Variants in COPG2 observed in about 807,000 individuals in gnomAD.
COPG2 encodes coatomer subunit gamma-2.
Under a neutral mutation model 46.3 loss-of-function variants are expected in COPG2, and 37 were observed. The ratio of observed to expected loss-of-function variants is 0.80; its 90% CI spans 0.61 to 1.05. COPG2 has a LOEUF of 1.05. Ranked by LOEUF, COPG2 falls within the 50% of genes least tolerant of loss-of-function variation. The pLI is 0.00. For missense variants in COPG2, 427 were observed against 387.8 expected (o/e 1.10, Z -0.85); for synonymous variants, 159 against 129.7 (o/e 1.23, Z -1.53).
chr7:130,586,296 T>G (rs182331535), intron 9 of COPG2, among the ~76,000 whole-genome samples: 1 of 152,084 alleles, frequency 6.6e-6, no homozygotes, highest in Non-Finnish European at 1.5e-5. Flanking sequence ...AATCATACAA[T>G]GGACTTTTGG....
intron 5 of COPG2, among the ~76,000 whole-genome samples, chr7:130,637,500 T>A (rs1795367222): frequency 6.6e-6 from 1 of 152,212 alleles, no homozygotes; most frequent in Non-Finnish European, 1.5e-5. Flanking sequence ...TATCCTTTCT[T>A]CCACTTGATC....
At chr7:130,606,088 A>C (rs1373957601) in intron 9 of COPG2, among the ~76,000 whole-genome samples, 1 of 152,022 alleles carries the variant, frequency 6.6e-6, no homozygotes, top group Admixed American at 6.6e-5. Flanking sequence ...AGCTTCCCAA[A>C]GTGCTGGGAT....
At position 130,587,408 on chromosome 7, in the gene COPG2, T is replaced by C. The variant is rs1416576393; in HGVS notation, c.738-23015A>G. On this transcript the variant is annotated intron_variant, in intron 9 of 23. Coordinates refer to ENST00000425248, the MANE Select transcript of COPG2 (RefSeq NM_012133.6). ...ATGCTTTCCAATATCCAGTTGGATA[T>C]TGTTACTACAAAAATCATTCTGTTA... 2.0e-5 allele frequency among the ~76,000 whole-genome samples: 3 copies of C among 152,104 alleles called. 1 individual carries two copies. Among genetic ancestry groups the C allele is most frequent in the African/African-American group, 7.2e-5 (3 of 41,470 alleles).
intron 20 of COPG2, among the ~76,000 whole-genome samples, chr7:130,520,813 T>C (rs1332268291): frequency 6.6e-6 from 1 of 152,250 alleles, no homozygotes; most frequent in Non-Finnish European, 1.5e-5. Context: ...TTGTTATTTA[T>C]ATTGAAAACA....
chr7:130,663,172 TTC>T (rs1796011684), intron 3 of COPG2, 134 bp from the exon 4 acceptor site: 1 of 551,080 alleles, frequency 1.8e-6, no homozygotes, highest in African/African-American at 2.0e-5. Flanking sequence ...TTTGTAAACA[TTC>T]TGCCTCTGCA....
At chr7:130,512,398 G>A (rs1799610893) in intron 20 of COPG2, among the ~76,000 whole-genome samples, 2 of 151,928 alleles carry the variant, frequency 1.3e-5, no homozygotes, top group Non-Finnish European at 2.9e-5. Flanking sequence ...GTGTGAACAT[G>A]TAGTTTGTCC....
At chr7:130,613,146 G>A (rs1409872193) in intron 7 of COPG2, among the ~76,000 whole-genome samples, 1 of 152,168 alleles carries the variant, frequency 6.6e-6, no homozygotes, top group Non-Finnish European at 1.5e-5. Flanking sequence ...GATAGTTTTT[G>A]GATGAAACTG....
chr7:130,508,896 G>A (rs1227899577), intron 20 of COPG2: 3 of 554,946 alleles, frequency 5.4e-6, no homozygotes, highest in East Asian at 3.5e-5. Context: ...ATGATAACAT[G>A]GGCAGACTGT....
chr7:130,634,686 T>C (rs1433216287), intron 5 of COPG2, among the ~76,000 whole-genome samples: 1 of 151,798 alleles, frequency 6.6e-6, no homozygotes, highest in Admixed American at 6.6e-5. Flanking sequence ...CTTCCTCCTA[T>C]CTGAATACCT....
chr7:130,511,609 TC>T (rs1554441018), intron 20 of COPG2: 1 of 518,724 alleles, frequency 1.9e-6, no homozygotes, highest in Admixed American at 1.9e-5. Context: ...ATGACACACA[TC>T]AACAGGAAGG....
intron 9 of COPG2, among the ~76,000 whole-genome samples, chr7:130,601,907 G>C (rs1794640609): frequency 1.3e-5 from 2 of 151,954 alleles, no homozygotes; most frequent in Admixed American, 1.3e-4. Context: ...AGGAAGGAAG[G>C]AGGGAAGGCT....
chr7:130,520,709 A>T (rs1799716921), intron 20 of COPG2, among the ~76,000 whole-genome samples: 1 of 152,230 alleles, frequency 6.6e-6, no homozygotes, highest in Non-Finnish European at 1.5e-5. Context: ...TCTCCATAAT[A>T]TGAGCGGGAC....
chr7:130,635,436 C>T (rs1025451961), intron 5 of COPG2, among the ~76,000 whole-genome samples: 6 of 151,912 alleles, frequency 3.9e-5, no homozygotes, highest in South Asian at 2.1e-4. Context: ...GATTTAGTCT[C>T]GGGAGGGTGT....
chr7:130,560,642 C>T (rs944700350), intron 12 of COPG2, among the ~76,000 whole-genome samples: 30 of 152,076 alleles, frequency 2.0e-4, no homozygotes, highest in African/African-American at 6.5e-4. Flanking sequence ...TAATACAAAG[C>T]CCAAAAATAT....
intron 20 of COPG2, among the ~76,000 whole-genome samples, chr7:130,526,942 G>T (rs1799780694): frequency 8.3e-6 from 1 of 121,034 alleles, no homozygotes; most frequent in Non-Finnish European, 1.7e-5. Context: ...GGGTGGGGGT[G>T]GGAATGGGGG....
chr7:130,524,301 T>A (rs905316693), intron 20 of COPG2, among the ~76,000 whole-genome samples: 2,491 of 151,848 alleles, frequency 0.016, 73 homozygotes, highest in African/African-American at 0.057. Context: ...GGTACCTGAG[T>A]TCACGACTTA....
chr7:130,575,100 A>T (rs1392385164), intron 9 of COPG2, among the ~76,000 whole-genome samples: 1 of 152,220 alleles, frequency 6.6e-6, no homozygotes, highest in African/African-American at 2.4e-5. Context: ...CTAAGGAAGA[A>T]GAGAAATCTG....
intron 14 of COPG2, 131 bp downstream of exon 14, chr7:130,554,350 T>C (rs1309317366): frequency 1.0e-5 from 4 of 395,198 alleles, no homozygotes; most frequent in African/African-American, 8.2e-5. Context: ...AAGAAAGATA[T>C]CTGGGCCCTA....
At chr7:130,650,684 T>C (rs1554458960) in intron 5 of COPG2, among the ~76,000 whole-genome samples, 1 of 152,172 alleles carries the variant, frequency 6.6e-6, no homozygotes, top group Admixed American at 6.5e-5. Context: ...TTCCTAAGGA[T>C]AGTCATATAA....
Sources: gnomAD v4.1 joint callset for allele counts (sites outside exome capture counted in the v4.1 genomes callset) on GRCh38, gnomAD v4.1.1 for gene constraint, MANE v1.5 for transcripts, NCBI Gene and HGNC (gene_info 2026-07-23, HGNC 2026-07-21) for gene names.